The following TOX3 variants were observed in gnomAD, a reference collection of about 807,000 sequenced individuals.
The protein encoded by TOX3 is CAG trinucleotide repeat-containing gene F9 protein.
Under a neutral mutation model 64.3 loss-of-function variants are expected in TOX3, and 22 were observed. The observed-to-expected ratio is 0.34, with a 90% confidence interval of 0.24 to 0.49. TOX3 has a LOEUF of 0.49. Ranked by LOEUF, TOX3 falls within the 20% of genes least tolerant of loss-of-function variation. The pLI is 0.99. For missense variants in TOX3, 661 were observed against 714.4 expected (o/e 0.93, Z 0.85); for synonymous variants, 291 against 273.6 (o/e 1.06, Z -0.63).
At chr16:52,519,921 T>C (rs1203027370) in intron 1 of TOX3, among the ~76,000 whole-genome samples, 2 of 150,668 alleles carry the variant, frequency 1.3e-5, no homozygotes, top group African/African-American at 2.4e-5. Context: ...CAGTGAGCAC[T>C]GGTCACACCA....
chr16:52,530,017 T>G (rs923385697), intron 1 of TOX3, among the ~76,000 whole-genome samples: 5 of 152,216 alleles, frequency 3.3e-5, no homozygotes, highest in Admixed American at 2.0e-4. Flanking sequence ...GGCAGAAATC[T>G]CTTATCAAAT....
At chr16:52,545,709 C>A (rs1040827571) in intron 1 of TOX3, among the ~76,000 whole-genome samples, 4 of 152,148 alleles carry the variant, frequency 2.6e-5, no homozygotes, top group Non-Finnish European at 5.9e-5. Flanking sequence ...GAATCTCGCC[C>A]TCAGGGTGAT....
rs1555486745 is a variant in TOX3 at position 52,510,778 on chromosome 16, A to AAG, written c.87+35858_87+35859insCT. Among the ~76,000 whole-genome samples, 545 of 115,090 alleles carry AAG rather than the reference A, an allele frequency of 4.7e-3. 3 individuals carry two copies. Among genetic ancestry groups the AAG allele is most frequent in the Middle Eastern group, 0.033 (6 of 180 alleles). The allele number at this position is 115,090 out of a possible 152,430, so 75.5% of individuals were successfully genotyped here. ...CTGTCTCAAAAAAAAAAAAAAAAAA[A>AAG]AAGAAGAAGAAGAAGAAGAAAAAGA... On this transcript the variant is annotated intron_variant, in intron 1 of 6. Transcript: ENST00000219746.
intron 2 of TOX3, among the ~76,000 whole-genome samples, chr16:52,467,923 T>C (rs1490219083): frequency 1.3e-5 from 2 of 152,196 alleles, no homozygotes. Context: ...TCTTGGAGCA[T>C]GCCAGCCACT....
intron 1 of TOX3, among the ~76,000 whole-genome samples, chr16:52,477,696 G>A (rs534592275): frequency 6.6e-6 from 1 of 152,222 alleles, no homozygotes; most frequent in East Asian, 1.9e-4. Context: ...CTTGCTAGGG[G>A]TCATTGTGTA....
intron 1 of TOX3, among the ~76,000 whole-genome samples, chr16:52,537,194 T>C (rs1219911205): frequency 6.6e-6 from 1 of 152,084 alleles, no homozygotes; most frequent in South Asian, 2.1e-4. Flanking sequence ...CATATGCAAA[T>C]GTACCGAGAC....
chr16:52,537,878 T>TAAAAAAAAAAAAAAAAAAAAAAA (rs57403617), intron 1 of TOX3, among the ~76,000 whole-genome samples: 13 of 110,992 alleles, frequency 1.2e-4, no homozygotes, highest in Admixed American at 1.9e-4. Flanking sequence ...GCTGATATGA[T>TAAAAAAAAAAAAAAAAAAAAAAA]AAAAAAAAAA....
intron 1 of TOX3, among the ~76,000 whole-genome samples, chr16:52,488,370 T>C (rs1247946147): frequency 2.0e-5 from 3 of 152,194 alleles, no homozygotes; most frequent in Non-Finnish European, 4.4e-5. Context: ...TATCTCTTTT[T>C]ATGACACAGC....
chr16:52,522,232 G>T (rs762207138), intron 1 of TOX3, among the ~76,000 whole-genome samples: 1 of 152,158 alleles, frequency 6.6e-6, no homozygotes, highest in Admixed American at 6.5e-5. Context: ...TCAGAATGAG[G>T]TTCATAGGCT....
At chr16:52,487,349 C>A (rs1327132748) in intron 1 of TOX3, among the ~76,000 whole-genome samples, 1 of 151,612 alleles carries the variant, frequency 6.6e-6, no homozygotes, top group Non-Finnish European at 1.5e-5. Context: ...ATCCCTTCAT[C>A]ATGAATGGTG....
At chr16:52,528,034 G>T (rs1014626693) in intron 1 of TOX3, among the ~76,000 whole-genome samples, 1 of 152,148 alleles carries the variant, frequency 6.6e-6, no homozygotes, top group African/African-American at 2.4e-5. Context: ...GTGCTGAGAT[G>T]AAGAAATCCT....
chr16:52,526,535 G>A (rs891162477), intron 1 of TOX3, among the ~76,000 whole-genome samples: 55 of 150,772 alleles, frequency 3.6e-4, no homozygotes, highest in African/African-American at 1.3e-3. Context: ...GAAATCGTTG[G>A]TCGGCAGGGG....
intron 1 of TOX3, among the ~76,000 whole-genome samples, chr16:52,541,445 A>C (rs1337439889): frequency 6.6e-6 from 1 of 152,192 alleles, no homozygotes; most frequent in Non-Finnish European, 1.5e-5. Context: ...GTGATGAACT[A>C]TGGGGTACAG....
chr16:52,474,404 GGCCTTTCGAAAATCTAAGTTTA>G (rs1272915028), intron 1 of TOX3, among the ~76,000 whole-genome samples: 1 of 151,964 alleles, frequency 6.6e-6, no homozygotes, highest in Admixed American at 6.6e-5. Flanking sequence ...GAGACAAAGA[GGCCTTTCGAAAATCTAAGTTTA>G]GCCTGGGCAA....
At position 52,517,863 on chromosome 16, in the gene TOX3, C is replaced by G. The variant is rs1024994711; in HGVS notation, c.87+28774G>C. 4.6e-5 allele frequency among the ~76,000 whole-genome samples: 7 copies of G among 152,144 alleles called. No individual in the cohort carries two copies. The East Asian group carries it at 1.4e-3, about 29-fold the overall frequency. ...CTGATCTCTCTCCCAAACCTCTGAC[C>G]GAAAGAGACACAGATTTTTGCTTCT... On this transcript the variant is annotated intron_variant, in intron 1 of 6. Coordinates refer to ENST00000219746, the MANE Select transcript of TOX3 (RefSeq NM_001080430.4).
chr16:52,463,819 A>T, intron 3 of TOX3, 115 bp downstream of exon 3: 1 of 1,288,666 alleles, frequency 7.8e-7, no homozygotes, highest in South Asian at 2.0e-5. Flanking sequence ...AAATAGCACT[A>T]GAATCAATCC....
intron 1 of TOX3, among the ~76,000 whole-genome samples, chr16:52,526,839 T>C (rs1567351601): frequency 1.3e-5 from 2 of 152,230 alleles, no homozygotes; most frequent in African/African-American, 2.4e-5. Flanking sequence ...CAGACTTTCT[T>C]AAGACATCCT....
At chr16:52,487,075 T>C (rs1383960169) in intron 1 of TOX3, among the ~76,000 whole-genome samples, 5 of 151,682 alleles carry the variant, frequency 3.3e-5, no homozygotes, top group Non-Finnish European at 5.9e-5. Context: ...GAGTCCAAAA[T>C]GGTACATAAA....
intron 3 of TOX3, among the ~76,000 whole-genome samples, chr16:52,454,079 C>T (rs957080302): frequency 1.3e-5 from 2 of 152,090 alleles, no homozygotes; most frequent in Non-Finnish European, 2.9e-5. Context: ...TGACAGAAAA[C>T]CTGGGCCCTA....
Sources: allele counts gnomAD v4.1 joint callset (sites outside exome capture counted in the v4.1 genomes callset), GRCh38; gene constraint gnomAD v4.1.1; transcripts MANE v1.5; gene names NCBI Gene and HGNC (gene_info 2026-07-23, HGNC 2026-07-21).